P2RY14: variants seen among roughly 807,000 people sequenced by gnomAD.
P2RY14 encodes P2Y purinoceptor 14.
In P2RY14, 2 loss-of-function variants were observed where a neutral mutation model predicts 0.9. The ratio of observed to expected loss-of-function variants is 2.16; its 90% CI spans 0.88 to 6.79. The LOEUF is 6.79. P2RY14 is among the 30% of genes most tolerant of loss of function. P2RY14 has a pLI of 0.05. For missense variants in P2RY14, 378 were observed against 400.1 expected (o/e 0.94, Z 0.47); for synonymous variants, 158 against 147.2 (o/e 1.07, Z -0.53).
chr3:151,215,765 G>A (rs1310814371), intron 2 of P2RY14, among the ~76,000 whole-genome samples: 1 of 152,168 alleles, frequency 6.6e-6, no homozygotes. Flanking sequence ...TCAGGAGAAT[G>A]CCCTAAGTCT....
At chr3:151,254,694 A>G (rs1334768264) in intron 1 of P2RY14, among the ~76,000 whole-genome samples, 1 of 152,260 alleles carries the variant, frequency 6.6e-6, no homozygotes, top group Non-Finnish European at 1.5e-5. Flanking sequence ...CTTTCGCAGC[A>G]TAGATGCTTC....
chr3:151,271,449 C>G (rs1269474083), intron 1 of P2RY14, among the ~76,000 whole-genome samples: 1 of 152,176 alleles, frequency 6.6e-6, no homozygotes. Flanking sequence ...CGGGTCACTT[C>G]TTATCAAGTT....
At chr3:151,265,905 G>A (rs981845964) in intron 1 of P2RY14, among the ~76,000 whole-genome samples, 4 of 152,098 alleles carry the variant, frequency 2.6e-5, no homozygotes, top group South Asian at 2.1e-4. Context: ...AGAGTCTTGC[G>A]GCCCTGAGAA....
At chr3:151,214,398 C>G (rs1727786028) in intron 2 of P2RY14, 58 bp from the exon 3 acceptor site, 2 of 1,200,764 alleles carry the variant, frequency 1.7e-6, no homozygotes, top group Non-Finnish European at 2.4e-6. Context: ...AAGACATTTG[C>G]TGAGTAATAA....
intron 1 of P2RY14, among the ~76,000 whole-genome samples, chr3:151,274,023 A>G (rs984189629): frequency 1.1e-4 from 16 of 152,156 alleles, no homozygotes; most frequent in African/African-American, 3.1e-4. Flanking sequence ...TAAAGTTCTC[A>G]CACTACTTGA....
At chr3:151,238,408 A>G (rs1733376582) in intron 1 of P2RY14, among the ~76,000 whole-genome samples, 1 of 152,168 alleles carries the variant, frequency 6.6e-6, no homozygotes, top group Admixed American at 6.5e-5. Flanking sequence ...CAGCCTCCCA[A>G]AGTGCTGGGA....
intron 1 of P2RY14, among the ~76,000 whole-genome samples, chr3:151,265,091 G>C (rs1031693791): frequency 6.6e-6 from 1 of 152,156 alleles, no homozygotes; most frequent in African/African-American, 2.4e-5. Flanking sequence ...CCTCCAGCCT[G>C]CTAGATTATT....
At chr3:151,221,453 C>T (rs1472967028) in intron 1 of P2RY14, among the ~76,000 whole-genome samples, 1 of 152,182 alleles carries the variant, frequency 6.6e-6, no homozygotes, top group East Asian at 1.9e-4. Flanking sequence ...ACATCGCAGG[C>T]CTGGAGGCCT....
At chr3:151,234,702 C>T (rs768063700) in intron 1 of P2RY14, among the ~76,000 whole-genome samples, 5 of 152,214 alleles carry the variant, frequency 3.3e-5, no homozygotes, top group Non-Finnish European at 7.3e-5. Context: ...GCCTCAGTTA[C>T]TGTAATATCC....
chr3:151,242,092 A>T (rs1734249203), intron 1 of P2RY14, among the ~76,000 whole-genome samples: 3 of 152,184 alleles, frequency 2.0e-5, no homozygotes, highest in African/African-American at 7.2e-5. Flanking sequence ...GCACCACGAG[A>T]TTATATCCCG....
Position 151,213,186 on chromosome 3 carries a change from A to G in P2RY14, c.*114T>C. 1.3e-6 allele frequency: 1 copy of G among 771,480 alleles called. No individual in the cohort carries two copies. The allele number at this position is 771,480 out of a possible 1,614,324, so 47.8% of individuals were successfully genotyped here. A position where few individuals can be genotyped will look rare whatever the true frequency, so the allele number is the denominator to read the frequency against. On this transcript the variant is annotated 3_prime_UTR_variant, in exon 3 of 3. Transcript: ENST00000309170. ...TTTGAATTTTATTGAACTAAATTGG[A>G]TGGCAGTGCTAGAGATGATATTTAT...
chr3:151,272,347 A>C (rs897405489), intron 1 of P2RY14, among the ~76,000 whole-genome samples: 2 of 152,192 alleles, frequency 1.3e-5, no homozygotes, highest in African/African-American at 4.8e-5. Context: ...ACATAAATTG[A>C]AGTTGTTTTT....
chr3:151,266,688 C>G (rs956874619), intron 1 of P2RY14, among the ~76,000 whole-genome samples: 2 of 152,112 alleles, frequency 1.3e-5, no homozygotes, highest in African/African-American at 4.8e-5. Context: ...GAAAGGAACT[C>G]CAGCCATGGG....
chr3:151,244,740 T>A (rs1489483040), intron 1 of P2RY14, among the ~76,000 whole-genome samples: 2 of 151,786 alleles, frequency 1.3e-5, no homozygotes, highest in Admixed American at 6.6e-5. Context: ...ATTCAAAAGC[T>A]AGCAGAAGGC....
chr3:151,238,019 C>G (rs932560202), intron 1 of P2RY14, among the ~76,000 whole-genome samples: 1 of 152,132 alleles, frequency 6.6e-6, no homozygotes, highest in Non-Finnish European at 1.5e-5. Context: ...AGTTATATTT[C>G]AAGAAGCAAA....
chr3:151,247,847 C>A (rs747165993), intron 1 of P2RY14, among the ~76,000 whole-genome samples: 16 of 151,434 alleles, frequency 1.1e-4, no homozygotes, highest in Non-Finnish European at 2.4e-4. Flanking sequence ...ACAAGAGTCA[C>A]AGTTTTTAAA....
chr3:151,235,284 A>T (rs1264281318), intron 1 of P2RY14, among the ~76,000 whole-genome samples: 1 of 152,176 alleles, frequency 6.6e-6, no homozygotes, highest in Non-Finnish European at 1.5e-5. Flanking sequence ...TTGTAAACTG[A>T]TGGGGGCAGG....
At position 151,214,566 on chromosome 3, in the gene P2RY14, C is replaced by G. The variant is rs138902645; in HGVS notation, c.-24-226G>C. On this transcript the variant is annotated intron_variant, in intron 2 of 2. Transcript: ENST00000309170. Reference sequence around the variant, plus strand: ...CCCTCCCTCTTTCCCCCTTTACCCACCAACCCCCACTCCTTTCTTCCTTCT... The same window carrying G: ...CCCTCCCTCTTTCCCCCTTTACCCAGCAACCCCCACTCCTTTCTTCCTTCT... 7.6e-3 allele frequency among the ~76,000 whole-genome samples: 1,123 copies of G among 148,626 alleles called. 19 individuals carry two copies. Among genetic ancestry groups the G allele is most frequent in the African/African-American group, 0.026 (1,051 of 40,058 alleles).
chr3:151,229,234 T>C (rs1480270270), intron 1 of P2RY14, among the ~76,000 whole-genome samples: 3 of 152,180 alleles, frequency 2.0e-5, no homozygotes, highest in African/African-American at 7.2e-5. Flanking sequence ...GTTTTGTGTA[T>C]TAATCCCTGT....
Sources: gnomAD v4.1 joint callset for allele counts (sites outside exome capture counted in the v4.1 genomes callset) on GRCh38, gnomAD v4.1.1 for gene constraint, MANE v1.5 for transcripts, NCBI Gene and HGNC (gene_info 2026-07-23, HGNC 2026-07-21) for gene names.